RIMS2: variants seen among roughly 807,000 people sequenced by gnomAD.
RIMS2 encodes regulating synaptic membrane exocytosis 2.
RIMS2 carries 59 observed loss-of-function variants against 174.4 expected under a neutral mutation model. The observed-to-expected ratio is 0.34, with a 90% CI of 0.27 to 0.42. The LOEUF (loss-of-function observed/expected upper bound fraction) is 0.42, where lower values mean the gene tolerates loss of function less well. Among genes scored for constraint, RIMS2 ranks in the 10% least tolerant of loss-of-function variants. The probability of loss-of-function intolerance (pLI) is 1.00; values close to 1 mark genes in which losing one functional copy is unlikely to be tolerated. For missense variants in RIMS2, 1,620 were observed against 1,666.3 expected, an observed-to-expected ratio of 0.97 and a Z score of 0.48; for synonymous variants, 606 against 572.5, an observed-to-expected ratio of 1.06 and a Z score of -0.84.
chr8:103,926,952 T>A (rs1409103866), intron 10 of RIMS2, among the ~76,000 whole-genome samples: 1 of 151,478 alleles, frequency 6.6e-6, no homozygotes, highest in Admixed American at 6.6e-5. Context: ...TTTCTGTCTT[T>A]ACACTATCTT....
At chr8:103,510,370 A>G (rs17231472) in intron 1 of RIMS2, among the ~76,000 whole-genome samples, 17,653 of 152,146 alleles carry the variant, frequency 0.12, 1,365 homozygotes, top group Non-Finnish European at 0.17. Flanking sequence ...ATCACACATA[A>G]AACAGTCTTC....
intron 19 of RIMS2, among the ~76,000 whole-genome samples, chr8:104,218,105 A>G (rs1434808343): frequency 6.6e-6 from 1 of 152,228 alleles, no homozygotes; most frequent in Admixed American, 6.5e-5. Context: ...CCTATTACCA[A>G]GAACAAGTGT....
In RIMS2 at chr8:103,912,847, A is replaced by G. The variant is rs369630859; in HGVS notation, c.1812+675A>G. Reference sequence around the variant, plus strand: ...ATGAATAAAGAATATGCTGGGTGTCATGGTTCATGCCTGTAATCACAACAC... The same window carrying G: ...ATGAATAAAGAATATGCTGGGTGTCGTGGTTCATGCCTGTAATCACAACAC... On this transcript the variant is annotated intron_variant, in intron 6 of 23. Transcript: ENST00000504942. Among the ~76,000 whole-genome samples the G allele has an allele frequency of 2.0e-5, 3 of 152,014 alleles. No homozygotes were observed. In the East Asian group the frequency reaches 5.8e-4, roughly 29 times the overall value.
intron 1 of RIMS2, among the ~76,000 whole-genome samples, chr8:103,531,497 A>T (rs181862441): frequency 6.6e-6 from 1 of 152,214 alleles, no homozygotes; most frequent in African/African-American, 2.4e-5. Flanking sequence ...GGGAGGTGTT[A>T]CACCTGGAGA....
chr8:103,936,809 GA>G, intron 13 of RIMS2, 87 bp downstream of exon 15: 1 of 1,081,526 alleles, frequency 9.2e-7, no homozygotes, highest in Non-Finnish European at 1.3e-6. Flanking sequence ...TTCATTTGTA[GA>G]ATAGGCCAGG....
At chr8:103,855,264 G>T (rs560494524) in intron 3 of RIMS2, among the ~76,000 whole-genome samples, 9 of 151,476 alleles carry the variant, frequency 5.9e-5, no homozygotes, top group African/African-American at 2.2e-4. Context: ...TATTAATCTA[G>T]TTATCTATCA....
chr8:103,888,832 G>A (rs2099223979), intron 4 of RIMS2, among the ~76,000 whole-genome samples: 1 of 151,434 alleles, frequency 6.6e-6, no homozygotes, highest in African/African-American at 2.4e-5. Context: ...ACTTCTAATA[G>A]ACGCTCTTGA....
rs555152791 is a variant in RIMS2 at position 104,240,491 on chromosome 8, T to C, written c.3335-4425T>C. ...TTTTAAAATAAGCCTATAAATGTAT[T>C]TGATAATGGAACATTGAAAAAGACA... On this transcript the variant is annotated intron_variant, in intron 19 of 23. Coordinates refer to ENST00000504942, the Ensembl canonical transcript of RIMS2. 6.3e-4 allele frequency among the ~76,000 whole-genome samples: 96 copies of C among 152,310 alleles called. 1 individual carries two copies. The highest frequency in any genetic ancestry group is 2.0e-3 in the African/African-American group (84 of 41,568).
chr8:104,242,005 C>T (rs1214709780), intron 19 of RIMS2, among the ~76,000 whole-genome samples: 1 of 152,088 alleles, frequency 6.6e-6, no homozygotes, highest in Non-Finnish European at 1.5e-5. Context: ...AGTGATCTGC[C>T]TGCCTTAGCC....
chr8:103,731,610 T>C (rs2097596185), intron 2 of RIMS2, among the ~76,000 whole-genome samples: 1 of 152,192 alleles, frequency 6.6e-6, no homozygotes, highest in Admixed American at 6.5e-5. Context: ...CTAAATCTTG[T>C]AGTCCTGCTT....
At chr8:103,728,944 A>T (rs560263019) in intron 2 of RIMS2, among the ~76,000 whole-genome samples, 1 of 152,016 alleles carries the variant, frequency 6.6e-6, no homozygotes, top group African/African-American at 2.4e-5. Context: ...CATGATGAAT[A>T]ATCTTTCTAA....
At chr8:104,161,202 A>T (rs1461540828) in intron 19 of RIMS2, among the ~76,000 whole-genome samples, 1 of 152,148 alleles carries the variant, frequency 6.6e-6, no homozygotes, top group Non-Finnish European at 1.5e-5. Context: ...ATTGTCATTA[A>T]TGTAATAGTG....
At chr8:104,170,599 T>C (rs1365665821) in intron 19 of RIMS2, among the ~76,000 whole-genome samples, 2 of 152,102 alleles carry the variant, frequency 1.3e-5, no homozygotes, top group Admixed American at 6.6e-5. Flanking sequence ...GGTTGGTGGT[T>C]TTTTATCCAT....
At chr8:103,839,118 A>G (rs2098923857) in intron 3 of RIMS2, among the ~76,000 whole-genome samples, 1 of 152,090 alleles carries the variant, frequency 6.6e-6, no homozygotes. Context: ...TTCCTACTTT[A>G]TCCACTTTTC....
intron 1 of RIMS2, among the ~76,000 whole-genome samples, chr8:103,596,727 G>C (rs1484912915): frequency 6.6e-6 from 1 of 151,732 alleles, no homozygotes; most frequent in East Asian, 1.9e-4. Flanking sequence ...ATTACAATTT[G>C]ACCTGAAATT....
At chr8:103,943,262 A>G (rs577382975) in intron 14 of RIMS2, among the ~76,000 whole-genome samples, 1 of 152,306 alleles carries the variant, frequency 6.6e-6, no homozygotes, top group East Asian at 1.9e-4. Flanking sequence ...GTTTAGCCAC[A>G]TAGTTGTATA....
At chr8:103,880,734 A>C (rs1354269649) in intron 3 of RIMS2, 1 of 458,550 alleles carries the variant, frequency 2.2e-6, no homozygotes, top group South Asian at 4.3e-5. Flanking sequence ...GATATGTAAA[A>C]ATTTATATAT....
intron 1 of RIMS2, among the ~76,000 whole-genome samples, chr8:103,586,721 A>G (rs972523988): frequency 2.0e-5 from 3 of 152,078 alleles, no homozygotes; most frequent in African/African-American, 7.2e-5. Flanking sequence ...AAATTTGTAG[A>G]AGAAAAGAAA....
intron 3 of RIMS2, among the ~76,000 whole-genome samples, chr8:103,865,673 T>C (rs1281877337): frequency 1.3e-5 from 2 of 152,190 alleles, no homozygotes; most frequent in African/African-American, 4.8e-5. Context: ...TTCATTAATA[T>C]AAATTCATAA....
Sources: gnomAD v4.1 joint callset for allele counts (sites outside exome capture counted in the v4.1 genomes callset) on GRCh38, gnomAD v4.1.1 for gene constraint, MANE v1.5 for transcripts, NCBI Gene and HGNC (gene_info 2026-07-23, HGNC 2026-07-21) for gene names.